Variants in CPAP observed in about 807,000 individuals in gnomAD.
CPAP encodes centrosomal P4.1-associated protein.
At chr13:24,892,955 A>G in the CPAP span, 1 of 950,096 alleles carries the variant, frequency 1.1e-6, no homozygotes, top group Admixed American at 2.2e-5. Flanking sequence ...GCAATGAAAC[A>G]GAATAGCCAG....
the CPAP span, among the ~76,000 whole-genome samples, chr13:24,914,037 G>A: frequency 3.3e-5 from 5 of 152,064 alleles, no homozygotes; most frequent in African/African-American, 1.2e-4. Flanking sequence ...AGTCTAGTGG[G>A]GAAGACACAC....
At chr13:24,923,339 A>G in the CPAP span, among the ~76,000 whole-genome samples, 77 of 150,702 alleles carry the variant, frequency 5.1e-4, no homozygotes, top group Non-Finnish European at 6.0e-4. Context: ...GAGGTGACTT[A>G]GTAAAGGAGA....
the CPAP span, chr13:24,883,087 T>A: frequency 1.7e-6 from 2 of 1,172,870 alleles, no homozygotes; most frequent in Non-Finnish European, 2.6e-6. Context: ...TCCCCACACA[T>A]ACACAATAAA....
the CPAP span, among the ~76,000 whole-genome samples, chr13:24,926,506 C>T: frequency 6.6e-6 from 1 of 151,942 alleles, no homozygotes; most frequent in Non-Finnish European, 1.5e-5. Context: ...ACGTTATGGG[C>T]CTTAATCAGG....
chr13:24,894,052 T>C, the CPAP span, among the ~76,000 whole-genome samples: 1 of 151,494 alleles, frequency 6.6e-6, no homozygotes, highest in African/African-American at 2.4e-5. Context: ...GCAGCGCGTG[T>C]GGGAAGCAAC....
the CPAP span, chr13:24,912,453 G>T: frequency 1.3e-6 from 1 of 786,656 alleles, no homozygotes; most frequent in South Asian, 1.7e-5. Context: ...TAGACAAAGG[G>T]CAAAATCTGG....
chr13:24,907,223 G>A, the CPAP span: 1 of 1,511,472 alleles, frequency 6.6e-7, no homozygotes, highest in South Asian at 1.1e-5. Flanking sequence ...TATTTAACAT[G>A]CAAATCATAA....
the CPAP span, chr13:24,906,178 A>C: frequency 6.2e-7 from 1 of 1,613,834 alleles, no homozygotes; most frequent in Non-Finnish European, 8.5e-7. Context: ...TCTGTGGCAC[A>C]GCTTTGACAG....
the CPAP span, among the ~76,000 whole-genome samples, chr13:24,887,305 G>C: frequency 1.3e-5 from 2 of 152,160 alleles, no homozygotes; most frequent in African/African-American, 4.8e-5. Context: ...CAAACCCCAC[G>C]GTATACTGGT....
chr13:24,921,907 T>TA, the CPAP span, among the ~76,000 whole-genome samples: 1 of 152,042 alleles, frequency 6.6e-6, no homozygotes, highest in Non-Finnish European at 1.5e-5. Flanking sequence ...GCATGAAGTA[T>TA]AAAAAAAGCG....
At chr13:24,906,496 G>T in the CPAP span, 1 of 1,614,176 alleles carries the variant, frequency 6.2e-7, no homozygotes, top group Non-Finnish European at 8.5e-7. Flanking sequence ...TCCACCCTGT[G>T]CAGCCAGTAT....
the CPAP span, among the ~76,000 whole-genome samples, chr13:24,914,693 T>C: frequency 6.6e-6 from 1 of 152,196 alleles, no homozygotes; most frequent in Non-Finnish European, 1.5e-5. Flanking sequence ...GCAGGATTGC[T>C]TGAGCCCAGG....
the CPAP span, among the ~76,000 whole-genome samples, chr13:24,900,706 T>C: frequency 1.3e-5 from 2 of 152,122 alleles, no homozygotes; most frequent in South Asian, 4.2e-4. Context: ...GCTCTGGATG[T>C]GTGTGAAGAG....
chr13:24,912,789 C>A, the CPAP span: 5 of 1,614,076 alleles, frequency 3.1e-6, no homozygotes, highest in Admixed American at 8.3e-5. Context: ...TTGACTCCAA[C>A]TTCTGTTCTT....
the CPAP span, among the ~76,000 whole-genome samples, chr13:24,891,363 GCCTGTGCTGTC>G: frequency 6.6e-6 from 1 of 152,080 alleles, no homozygotes; most frequent in East Asian, 1.9e-4. Context: ...CCCAACTGGA[GCCTGTGCTGTC>G]GTGTGCAGCT....
At chr13:24,928,278 C>A in the CPAP span, among the ~76,000 whole-genome samples, 1 of 152,136 alleles carries the variant, frequency 6.6e-6, no homozygotes, top group African/African-American at 2.4e-5. Context: ...CCAGGTGATC[C>A]GGGCTAGAAA....
chr13:24,906,593 T>A, the CPAP span: 1 of 1,614,088 alleles, frequency 6.2e-7, no homozygotes, highest in African/African-American at 1.3e-5. Context: ...AAACTGCCCA[T>A]CACATTTCTT....
At chr13:24,908,119 A>T in the CPAP span, 1 of 1,609,398 alleles carries the variant, frequency 6.2e-7, no homozygotes, top group Non-Finnish European at 8.5e-7. Context: ...AACATAAGAT[A>T]CTTTCTCCTG....
chr13:24,909,020 T>C, the CPAP span, among the ~76,000 whole-genome samples: 1 of 152,180 alleles, frequency 6.6e-6, no homozygotes, highest in South Asian at 2.1e-4. Context: ...GTAAAAGATA[T>C]ATATACACAT....
Sources: allele counts gnomAD v4.1 joint callset (sites outside exome capture counted in the v4.1 genomes callset), GRCh38; gene constraint gnomAD v4.1.1; transcripts MANE v1.5; gene names NCBI Gene and HGNC (gene_info 2026-07-23, HGNC 2026-07-21).